Variants in ARHGEF19 observed in about 807,000 individuals in gnomAD.
ARHGEF19 encodes the protein Rho guanine nucleotide exchange factor 19.
ARHGEF19 carries 92 observed loss-of-function variants against 87.6 expected under a neutral mutation model. The observed-to-expected ratio is 1.05, with a 90% CI of 0.89 to 1.25. The LOEUF is 1.25. Ranked by LOEUF, ARHGEF19 falls within the 50% of genes most tolerant of loss-of-function variation. The probability of loss-of-function intolerance (pLI) is 0.00; values close to 1 mark genes in which losing one functional copy is unlikely to be tolerated. For missense variants in ARHGEF19, 1,054 were observed against 1,051.8 expected (o/e 1.00, Z -0.03); for synonymous variants, 438 against 446.2 (o/e 0.98, Z 0.23).
In ARHGEF19 at chr1:16,207,254, C is replaced by A. The variant is rs2100284355; in HGVS notation, c.875-44G>T. On this transcript the variant is annotated intron_variant, in intron 5 of 15. Coordinates refer to ENST00000270747, the MANE Select transcript of ARHGEF19 (RefSeq NM_153213.5). The surrounding 1 kb of genome is among the most constrained non-coding windows in gnomAD (Gnocchi z 4.0). Reference sequence around the variant, plus strand: ...GGGGAGAGCGTGGGGCGCCCGCCAGCCCCTGCCCGGCTTTTCCTCGGTTCC... The same window carrying A: ...GGGGAGAGCGTGGGGCGCCCGCCAGACCCTGCCCGGCTTTTCCTCGGTTCC... 2.0e-6 allele frequency: 3 copies of A among 1,468,300 alleles called. No homozygotes were observed. The highest frequency in any genetic ancestry group is 2.7e-5 in the South Asian group (2 of 72,822). 91.0% of individuals were successfully genotyped at this position (1,468,300 alleles called of 1,614,324 possible). A position where few individuals can be genotyped will look rare whatever the true frequency, so the allele number is the denominator to read the frequency against.
chr1:16,200,037 G>A (rs2081071516), intron 14 of ARHGEF19, among the ~76,000 whole-genome samples: 1 of 152,182 alleles, frequency 6.6e-6, no homozygotes, highest in South Asian at 2.1e-4. Context: ...GGGGTCAGAT[G>A]TTAATTGCCA....
At position 16,202,552 on chromosome 1, in the gene ARHGEF19, C is replaced by T. The variant is rs747791645; in HGVS notation, c.1930G>A (p.Val644Ile). The change falls in exon 13 of 16, where the codon GTC becomes ATC. Residue 644 changes from valine to isoleucine, a missense_variant. Val to Ile is a conservative substitution (Grantham distance 29). Transcript: ENST00000270747. ...TGCAGCTCAGCCATCTTGGCATGGA[C>T]GAAAACGGCAAACTTCCCTAGCCTG... ...RKELGKFAVF[V>I]HAKMAELQVR... 61 of 1,613,640 alleles carry T rather than the reference C, an allele frequency of 3.8e-5. No homozygotes were observed. Among genetic ancestry groups the T allele is most frequent in the Non-Finnish European group, 4.7e-5 (55 of 1,179,728 alleles).
intron 12 of ARHGEF19, 31 bp from the exon 13 acceptor site, chr1:16,202,605 G>A (rs1470962631): frequency 8.1e-6 from 13 of 1,600,260 alleles, no homozygotes; most frequent in Non-Finnish European, 1.1e-5. Flanking sequence ...AGGTCAGCCT[G>A]GCCTGGGCCC....
Position 16,204,749 on chromosome 1 carries a change from C to G in ARHGEF19, c.1907+10G>C. 2 of 1,579,688 alleles carry G rather than the reference C, an allele frequency of 1.3e-6. No homozygotes were observed. The highest frequency in any genetic ancestry group is 2.3e-5 in the South Asian group (2 of 86,788). Reference sequence around the variant, plus strand: ...ACTTTACCTACCCACCCCTGACTGCCCCGACTCACTCCTTCCGCCGAGAGA... The same window carrying G: ...ACTTTACCTACCCACCCCTGACTGCGCCGACTCACTCCTTCCGCCGAGAGA... On this transcript the variant is annotated intron_variant, in intron 12 of 15. Transcript: ENST00000270747.
At chr1:16,212,028 G>C (rs2081202154) in intron 1 of ARHGEF19, among the ~76,000 whole-genome samples, 1 of 151,946 alleles carries the variant, frequency 6.6e-6, no homozygotes, top group African/African-American at 2.4e-5. Context: ...GCTCCTAAGG[G>C]ACCGCACCAC....
chr1:16,199,157 G>A lies in ARHGEF19; in HGVS notation c.2244C>T (p.Thr748=). 1 of 1,613,960 alleles carries A rather than the reference G, an allele frequency of 6.2e-7. No individual in the cohort carries two copies. Residue 748 remains threonine (T), a synonymous_variant, in exon 15 of 16, where the codon ACC becomes ACT. Coordinates refer to ENST00000270747, the MANE Select transcript of ARHGEF19 (RefSeq NM_153213.5). ...KTDILSVRTW[T]SDGWLEGVRL... ...CCCAGGAGGCCCCCTCACCGTCACT[G>A]GTCCAGGTCCTCACTGACAGGATGT...
In ARHGEF19 at chr1:16,198,646, G is replaced by A. The variant is rs1330845085; in HGVS notation, c.2350C>T (p.Leu784Phe). The change falls in exon 16 of 16, where the codon CTC (leucine) becomes TTC (phenylalanine). Residue 784 changes from leucine (L) to phenylalanine (F), a missense_variant. Physicochemically the swap from Leu to Phe is conservative, Grantham distance 22. Transcript: ENST00000270747. The surrounding 1 kb of genome is among the most constrained non-coding windows in gnomAD (Gnocchi z 4.1). ...ISSLSARLRN[L>F]RENKRVTSAT... The stretch of plus-strand genomic sequence containing the variant: ...CTTGTGACTCGCTTATTCTCCCGGA[G>A]GTTTCGGAGGCGGGCGCTGAGGCTG... 1.9e-6 allele frequency: 3 copies of A among 1,613,720 alleles called. No individual in the cohort carries two copies. The highest frequency in any genetic ancestry group is 2.2e-5 in the East Asian group (1 of 44,902).
At position 16,202,585 on chromosome 1, in the gene ARHGEF19, G is replaced by T; in HGVS notation, c.1908-11C>A. ...GCAAACTTCCCTAGCCTGGAGGACC[G>T]GGGGAGGGGAGGTCAGCCTGGCCTG... On this transcript the variant is annotated splice_polypyrimidine_tract_variant and intron_variant, in intron 12 of 15. Coordinates refer to ENST00000270747, the MANE Select transcript of ARHGEF19 (RefSeq NM_153213.5). 6.2e-7 allele frequency: 1 copy of T among 1,608,912 alleles called. No individual in the cohort carries two copies. The highest frequency in any genetic ancestry group is 8.5e-7 in the Non-Finnish European group (1 of 1,176,318).
Position 16,198,440 on chromosome 1 carries a change from T to C in ARHGEF19, c.*147A>G. ...GAGAGACCCTCTGGAGGCGCCCCCA[T>C]TCCTGTGTCCAGCCTGTGCCCTCAA... On this transcript the variant is annotated 3_prime_UTR_variant, in exon 16 of 16. Transcript: ENST00000270747. This position sits in a 1 kb window ranked among gnomAD's most constrained non-coding sequence, Gnocchi z 4.1. 9.7e-7 allele frequency: 1 copy of C among 1,031,970 alleles called. No individual in the cohort carries two copies. Among genetic ancestry groups the C allele is most frequent in the East Asian group, 2.6e-5 (1 of 38,572 alleles). 63.9% of individuals were successfully genotyped at this position (1,031,970 alleles called of 1,614,324 possible). A position where few individuals can be genotyped will look rare whatever the true frequency, so the allele number is the denominator to read the frequency against.
At chr1:16,202,003 C>T in intron 13 of ARHGEF19, 142 bp from the exon 14 acceptor site, 2 of 825,434 alleles carry the variant, frequency 2.4e-6, no homozygotes, top group Non-Finnish European at 3.8e-6. Flanking sequence ...GTCTGCCCCA[C>T]CCCAGGGCCC....
chr1:16,212,150 C>T (rs761712378), intron 1 of ARHGEF19, among the ~76,000 whole-genome samples: 26 of 152,340 alleles, frequency 1.7e-4, no homozygotes, highest in Admixed American at 3.9e-4. Context: ...TTACAGAAGA[C>T]GATGGGCCCA....
chr1:16,201,793 C>A lies in ARHGEF19; in HGVS notation c.2135G>T (p.Ser712Ile). 8.1e-6 allele frequency: 13 copies of A among 1,613,784 alleles called. No individual in the cohort carries two copies. The highest frequency in any genetic ancestry group is 1.1e-5 in the Non-Finnish European group (13 of 1,179,800). The change falls in exon 14 of 16, where the codon AGT (serine) becomes ATT (isoleucine). Residue 712 changes from serine to isoleucine, a missense_variant. Coordinates refer to ENST00000270747, the MANE Select transcript of ARHGEF19 (RefSeq NM_153213.5). The part of the protein sequence containing the change: ...SSPQEDKEVI[S>I]EGEDCPQVQC... ...GGATGAGCTACTACCTTCCCCCTCA[C>A]TGATGACCTCCTTGTCCTCCTGGGG...
chr1:16,206,592 C>A lies in ARHGEF19; in HGVS notation c.1138-252G>T. On this transcript the variant is annotated intron_variant, in intron 6 of 15. Transcript: ENST00000270747. The surrounding 1 kb of genome is among the most constrained non-coding windows in gnomAD (Gnocchi z 4.6). ...GCGTTCTTCCCAGAGCCCCGCCCAC[C>A]CCCCAGGTCCCGCCCCTGATCCTGG... 1.9e-6 allele frequency: 1 copy of A among 523,542 alleles called. No homozygotes were observed. The highest frequency in any genetic ancestry group is 3.4e-6 in the Non-Finnish European group (1 of 295,594). The allele number at this position is 523,542 out of a possible 1,614,324, so 32.4% of individuals were successfully genotyped here.
In ARHGEF19 at chr1:16,208,844, C is replaced by T; in HGVS notation, c.211G>A (p.Ala71Thr). ...PGSRWSLGTPAPLQGLLWPLS... is the reference protein window; with the variant it reads ...PGSRWSLGTPTPLQGLLWPLS... ...GGCCATAGCAACCCTTGGAGAGGGG[C>T]AGGGGTCCCCAGGGACCAGCGGCTG... The change falls in exon 2 of 16, where the codon GCC (alanine) becomes ACC (threonine). Residue 71 changes from alanine to threonine, a missense_variant. Transcript: ENST00000270747. The T allele has an allele frequency of 1.9e-5, 31 of 1,609,624 alleles. No individual in the cohort carries two copies. Among genetic ancestry groups the T allele is most frequent in the Non-Finnish European group, 2.6e-5 (31 of 1,178,698 alleles).
Position 16,206,516 on chromosome 1 carries a change from G to A in ARHGEF19, c.1138-176C>T. ...CCCACGTCCCGCCGCGGGAAATTGT[G>A]CAAGCCTTTCCTGTCCTCGATCCCG... is the stretch of plus-strand genomic sequence containing the variant. On this transcript the variant is annotated intron_variant, in intron 6 of 15. Transcript: ENST00000270747. This position sits in a 1 kb window ranked among gnomAD's most constrained non-coding sequence, Gnocchi z 4.6. 1 of 693,670 alleles carries A rather than the reference G, an allele frequency of 1.4e-6. No individual in the cohort carries two copies. The highest frequency in any genetic ancestry group is 2.5e-6 in the Non-Finnish European group (1 of 406,350). The allele number at this position is 693,670 out of a possible 1,614,324, so 43.0% of individuals were successfully genotyped here.
intron 14 of ARHGEF19, among the ~76,000 whole-genome samples, chr1:16,199,980 G>C (rs1232240270): frequency 6.6e-6 from 1 of 152,154 alleles, no homozygotes; most frequent in East Asian, 1.9e-4. Flanking sequence ...CCTTCTGCCA[G>C]ATGCTCTTCC....
chr1:16,202,274 G>A (rs1284106819), intron 13 of ARHGEF19, 142 bp downstream of exon 13: 1 of 1,273,052 alleles, frequency 7.9e-7, no homozygotes, highest in Non-Finnish European at 1.1e-6. Context: ...GCCCAAGTCA[G>A]GGAAGAGTTG....
chr1:16,206,791 G>C lies in ARHGEF19; in HGVS notation c.1137+157C>G, dbSNP rs1337124925. Among the ~76,000 whole-genome samples, 2 of 151,806 alleles carry C rather than the reference G, an allele frequency of 1.3e-5. No individual in the cohort carries two copies. The highest frequency in any genetic ancestry group is 2.9e-5 in the Non-Finnish European group (2 of 67,954). ...GCTGTCCTCGCTTCCAGACGGCCTCGTGTAGTCAGGTCCTAGAGCCAACCT... is the reference window on the plus strand; with the variant it reads ...GCTGTCCTCGCTTCCAGACGGCCTCCTGTAGTCAGGTCCTAGAGCCAACCT... On this transcript the variant is annotated intron_variant, in intron 6 of 15. Transcript: ENST00000270747. The surrounding 1 kb of genome is among the most constrained non-coding windows in gnomAD (Gnocchi z 4.6).
chr1:16,201,797 T>TGA lies in ARHGEF19; in HGVS notation c.2129_2130dup (p.Ile711SerfsTer25), dbSNP rs761842509. The TGA allele has an allele frequency of 6.2e-7, 1 of 1,613,762 alleles. No individual in the cohort carries two copies. ...GAGCTACTACCTTCCCCCTCACTGA[T>TGA]GACCTCCTTGTCCTCCTGGGGGCTG... On this transcript the variant is annotated frameshift_variant, in exon 14 of 16. Coordinates refer to ENST00000270747, the MANE Select transcript of ARHGEF19 (RefSeq NM_153213.5). LOFTEE classifies it high-confidence loss of function.
Sources: allele counts gnomAD v4.1 joint callset (sites outside exome capture counted in the v4.1 genomes callset), GRCh38; gene constraint gnomAD v4.1.1; non-coding constraint Gnocchi (gnomAD v3.1); transcripts MANE v1.5; gene names NCBI Gene and HGNC (gene_info 2026-07-23, HGNC 2026-07-21).